The following RPGRIP1L variants were observed in gnomAD, a reference collection of about 807,000 sequenced individuals.
RPGRIP1L encodes the protein RPGRIP1 like.
In RPGRIP1L, 131 loss-of-function variants were observed where a neutral mutation model predicts 160.4. The observed-to-expected ratio is 0.82, with a 90% CI of 0.71 to 0.94. The LOEUF is 0.94. Among genes scored for constraint, RPGRIP1L ranks in the 40% least tolerant of loss-of-function variants. The pLI is 0.00. For synonymous variants in RPGRIP1L, 510 were observed against 515.8 expected (o/e 0.99, Z 0.15); for missense variants, 1,522 against 1,535.8 (o/e 0.99, Z 0.15).
rs1048114015 is a variant in RPGRIP1L at position 53,688,046 on chromosome 16, T to C, written c.530-81A>G. On this transcript the variant is annotated intron_variant, in intron 4 of 26. Coordinates refer to ENST00000647211, the MANE Select transcript of RPGRIP1L (RefSeq NM_015272.5). ...TTTGATTTGCTATAATAAGGATATT[T>C]ATAATAAAATCTCTTAAGTATTAAG... 4 of 865,252 alleles carry C rather than the reference T, an allele frequency of 4.6e-6. No individual in the cohort carries two copies. The Admixed American group carries it at 5.6e-5, about 12-fold the overall frequency. 53.6% of individuals were successfully genotyped at this position (865,252 alleles called of 1,614,324 possible). A position where few individuals can be genotyped will look rare whatever the true frequency, so the allele number is the denominator to read the frequency against.
intron 22 of RPGRIP1L, among the ~76,000 whole-genome samples, chr16:53,634,828 C>G (rs1965736182): frequency 6.6e-6 from 1 of 152,112 alleles, no homozygotes; most frequent in South Asian, 2.1e-4. Context: ...TGTAAATTAC[C>G]CAGCCTCAGG....
intron 23 of RPGRIP1L, among the ~76,000 whole-genome samples, chr16:53,620,557 T>C (rs953297561): frequency 5.3e-5 from 8 of 152,170 alleles, no homozygotes; most frequent in Non-Finnish European, 7.4e-5. Flanking sequence ...ATGAAATATT[T>C]AAAGGAAAAT....
chr16:53,638,097 TAA>T (rs554791000), intron 20 of RPGRIP1L, among the ~76,000 whole-genome samples: 14 of 152,130 alleles, frequency 9.2e-5, no homozygotes, highest in Non-Finnish European at 1.3e-4. Flanking sequence ...AATTTTACAT[TAA>T]GACTTTAATT....
chr16:53,628,309 A>G (rs2150999334), intron 22 of RPGRIP1L: 1 of 152,294 alleles, frequency 6.6e-6, no homozygotes, highest in Non-Finnish European at 1.5e-5. Flanking sequence ...CAAGCTCAAA[A>G]CAGTTGGTTA....
At chr16:53,641,740 A>C (rs1405019320) in intron 17 of RPGRIP1L, among the ~76,000 whole-genome samples, 1 of 152,164 alleles carries the variant, frequency 6.6e-6, no homozygotes, top group Non-Finnish European at 1.5e-5. Context: ...CAAAGATAAT[A>C]CTGATTCAAA....
rs1335757648 is a variant in RPGRIP1L at position 53,638,369 on chromosome 16, C to G, written c.3001G>C (p.Glu1001Gln). ...TCTATTTCTGGTATATGCTCTACCTCTGGTGAAATTTCCTTCCTATCTTCA... is the reference window on the plus strand; with the variant it reads ...TCTATTTCTGGTATATGCTCTACCTGTGGTGAAATTTCCTTCCTATCTTCA... The part of the protein sequence containing the change: ...PPEDRKEISP[E>Q]VEHIPEIEIN... The change falls in exon 20 of 27, where the codon GAG becomes CAG. Residue 1001 changes from glutamate (E) to glutamine (Q), a missense_variant. By Grantham distance (29) the Glu-to-Gln change is conservative. Coordinates refer to ENST00000647211, the MANE Select transcript of RPGRIP1L (RefSeq NM_015272.5). 4 of 1,599,830 alleles carry G rather than the reference C, an allele frequency of 2.5e-6. No individual in the cohort carries two copies. In the African/African-American group the frequency reaches 5.4e-5, roughly 21 times the overall value.
chr16:53,605,713 TAA>T (rs1963640298), intron 25 of RPGRIP1L, 99 bp from the exon 26 acceptor site: 5 of 1,224,316 alleles, frequency 4.1e-6, no homozygotes, highest in Non-Finnish European at 5.9e-6. Flanking sequence ...TATAAAATGT[TAA>T]AGTTTCCAAT....
chr16:53,621,501 G>A (rs1205917119), intron 23 of RPGRIP1L, among the ~76,000 whole-genome samples: 1 of 133,900 alleles, frequency 7.5e-6, no homozygotes, highest in African/African-American at 2.8e-5. Context: ...TTAATTCTCT[G>A]ACCAATACAC....
chr16:53,657,708 CAATA>C lies in RPGRIP1L; in HGVS notation c.1402-80_1402-77del, dbSNP rs1967386376. ...ATTTTATGAATTAATATAGATGTATCAATAAATAATTCATTGATTGATCAATTTT... is the reference window on the plus strand; with the variant it reads ...ATTTTATGAATTAATATAGATGTATCAATAATTCATTGATTGATCAATTTT... On this transcript the variant is annotated intron_variant, in intron 12 of 26. Coordinates refer to ENST00000647211, the MANE Select transcript of RPGRIP1L (RefSeq NM_015272.5). 5 of 804,964 alleles carry C rather than the reference CAATA, an allele frequency of 6.2e-6. No homozygotes were observed. In the Admixed American group the frequency reaches 1.1e-4, roughly 18 times the overall value. The allele number at this position is 804,964 out of a possible 1,614,324, so 49.9% of individuals were successfully genotyped here.
rs138383101 is a variant in RPGRIP1L, at chr16:53,658,861, C to A, written c.1261G>T (p.Val421Phe). The A allele has an allele frequency of 6.2e-7, 1 of 1,600,202 alleles. No homozygotes were observed. The highest frequency in any genetic ancestry group is 1.7e-5 in the Admixed American group (1 of 59,010). Residue 421 changes from valine (V) to phenylalanine (F), a missense_variant, in exon 11 of 27, where the codon GTT (valine) becomes TTT (phenylalanine). Physicochemically the swap from Val to Phe is conservative, Grantham distance 50. Coordinates refer to ENST00000647211, the MANE Select transcript of RPGRIP1L (RefSeq NM_015272.5). Reference protein sequence around the residue: ...KTERDQNEKLVQENRELQLQY... With the variant: ...KTERDQNEKLFQENRELQLQY... ...AACTGTAGTTCTCTATTCTCTTGAACGAGTTTTTCATTTTGATCTTAAAAA... is the reference window on the plus strand; with the variant it reads ...AACTGTAGTTCTCTATTCTCTTGAAAGAGTTTTTCATTTTGATCTTAAAAA...
intron 6 of RPGRIP1L, among the ~76,000 whole-genome samples, chr16:53,683,712 A>C (rs2151303169): frequency 6.6e-6 from 1 of 151,900 alleles, no homozygotes; most frequent in African/African-American, 2.4e-5. Context: ...AAAAGAAAAA[A>C]ATCCAGAAAG....
At chr16:53,658,734 A>C (rs771075068) in intron 11 of RPGRIP1L, 38 bp downstream of exon 11, 2 of 1,368,438 alleles carry the variant, frequency 1.5e-6, no homozygotes, top group Non-Finnish European at 1.0e-6. Context: ...TGAGATAAAA[A>C]TTCTGAGTTT....
At chr16:53,612,468 G>T (rs1964109756) in intron 24 of RPGRIP1L, among the ~76,000 whole-genome samples, 1 of 150,718 alleles carries the variant, frequency 6.6e-6, no homozygotes, top group Non-Finnish European at 1.5e-5. Context: ...ACGCTAAAGG[G>T]GAACTTTTTT....
At chr16:53,629,046 G>C (rs899216337) in intron 22 of RPGRIP1L, among the ~76,000 whole-genome samples, 9 of 152,084 alleles carry the variant, frequency 5.9e-5, no homozygotes, top group African/African-American at 9.7e-5. Flanking sequence ...ACACATTGCA[G>C]CAATGTGAAG....
chr16:53,621,430 ATTTTTTTT>A (rs10710732), intron 23 of RPGRIP1L, among the ~76,000 whole-genome samples: 57 of 135,074 alleles, frequency 4.2e-4, no homozygotes, highest in Non-Finnish European at 7.9e-4. Flanking sequence ...TTTCTGGTCA[ATTTTTTTT>A]TTTTTTTTTT....
chr16:53,686,980 T>C (rs370243722), intron 5 of RPGRIP1L, among the ~76,000 whole-genome samples: 20 of 152,254 alleles, frequency 1.3e-4, no homozygotes, highest in East Asian at 1.2e-3. Context: ...TTGCCAAATA[T>C]AACTTAGTGG....
At chr16:53,696,417 G>C (rs1377742645) in intron 2 of RPGRIP1L, 122 bp from the exon 3 acceptor site, 1 of 937,350 alleles carries the variant, frequency 1.1e-6, no homozygotes, top group South Asian at 1.4e-5. Flanking sequence ...CTACAGTTAA[G>C]ATTGCTTTAG....
intron 16 of RPGRIP1L, among the ~76,000 whole-genome samples, chr16:53,648,596 A>C (rs1966716952): frequency 6.8e-6 from 1 of 147,520 alleles, no homozygotes; most frequent in South Asian, 2.2e-4. Context: ...GAATAATTGC[A>C]CATATACGTA....
rs1172361802 is a variant in RPGRIP1L, at chr16:53,675,062, G to C, written c.837C>G (p.Ser279Arg). The change falls in exon 7 of 27, where the codon AGC (serine) becomes AGG (arginine). Residue 279 changes from serine to arginine, a missense_variant. By Grantham distance (110) the Ser-to-Arg change is moderately radical. Coordinates refer to ENST00000647211, the MANE Select transcript of RPGRIP1L (RefSeq NM_015272.5). ...TTCCTTCCATTGCTGAAAGAGCATT[G>C]CTTTTCTCTACTAGCTGTTTATGAA... ...IKLHKQLVEK[S>R]NALSAMEGKF... 1 of 1,611,176 alleles carries C rather than the reference G, an allele frequency of 6.2e-7. No individual in the cohort carries two copies. The highest frequency in any genetic ancestry group is 1.3e-5 in the African/African-American group (1 of 74,832).
Sources: gnomAD v4.1 joint callset for allele counts (sites outside exome capture counted in the v4.1 genomes callset) on GRCh38, gnomAD v4.1.1 for gene constraint, MANE v1.5 for transcripts, NCBI Gene and HGNC (gene_info 2026-07-23, HGNC 2026-07-21) for gene names.